The following MBD5 variants were observed in gnomAD, a reference collection of about 807,000 sequenced individuals.
MBD5 encodes the protein methyl-CpG-binding domain protein 5.
MBD5 carries 13 observed loss-of-function variants against 117.3 expected under a neutral mutation model. The observed-to-expected ratio is 0.11, with a 90% CI of 0.07 to 0.18. MBD5 has a LOEUF of 0.18. MBD5 is among the 10% of genes least tolerant of loss of function. The pLI is 1.00. For synonymous variants in MBD5, 727 were observed against 766.4 expected (o/e 0.95, Z 0.85); for missense variants, 1,879 against 2,093.8 (o/e 0.90, Z 2.00).
intron 12 of MBD5, among the ~76,000 whole-genome samples, chr2:148,504,527 T>C (rs534935936): frequency 2.0e-5 from 3 of 152,264 alleles, no homozygotes; most frequent in African/African-American, 7.2e-5. Context: ...AAGACAAATT[T>C]AGCAAAAAAA....
Position 148,280,068 on chromosome 2 carries a change from TTTTTCTC to T in MBD5, c.-680+46674_-680+46680del, listed in dbSNP as rs377717508. On this transcript the variant is annotated intron_variant, in intron 3 of 13. Transcript: ENST00000642680. ...CTCTTGGTTGCTTCTGCTTTTTTCT[TTTTTCTC>T]GTTTCCTGGTTTGGAAGCTATAGAT... Among the ~76,000 whole-genome samples, 26 of 151,668 alleles carry T rather than the reference TTTTTCTC, an allele frequency of 1.7e-4. 1 individual carries two copies. The East Asian group carries it at 4.8e-3, about 28-fold the overall frequency.
intron 1 of MBD5, among the ~76,000 whole-genome samples, chr2:148,084,119 T>C (rs1306439902): frequency 6.6e-6 from 1 of 152,222 alleles, no homozygotes; most frequent in African/African-American, 2.4e-5. Flanking sequence ...TTTCACATGG[T>C]AGAACACAGA....
chr2:148,294,501 G>GTTTTTTTTTTTTTGTTTTTTGTTTTTTT (rs761709621), intron 3 of MBD5, among the ~76,000 whole-genome samples: 1 of 113,216 alleles, frequency 8.8e-6, no homozygotes, highest in African/African-American at 3.7e-5. Flanking sequence ...TGGGATTACA[G>GTTTTTTTTTTTTTGTTTTTTGTTTTTTT]TTTTTTTTTT....
Position 148,394,409 on chromosome 2 carries a change from A to G in MBD5, c.-557+52073A>G, listed in dbSNP as rs1295899575. Among the ~76,000 whole-genome samples, 5 of 151,684 alleles carry G rather than the reference A, an allele frequency of 3.3e-5. No individual in the cohort carries two copies. The South Asian group carries it at 6.2e-4, about 19-fold the overall frequency. On this transcript the variant is annotated intron_variant, in intron 4 of 13. Transcript: ENST00000642680. The stretch of plus-strand genomic sequence containing the variant: ...TATGTTATAACAATTTTGATATCCT[A>G]TATTTTTCTGGGAATTCATATATTT...
intron 4 of MBD5, among the ~76,000 whole-genome samples, chr2:148,390,555 G>T (rs1284485502): frequency 1.3e-5 from 1 of 77,450 alleles, no homozygotes; most frequent in African/African-American, 6.2e-5. Context: ...ATATATACGT[G>T]TATGTGTGTA....
At chr2:148,245,888 T>C (rs929769870) in intron 3 of MBD5, among the ~76,000 whole-genome samples, 1 of 152,202 alleles carries the variant, frequency 6.6e-6, no homozygotes. Flanking sequence ...ATTTAATTTC[T>C]TACTAATAGG....
intron 2 of MBD5, among the ~76,000 whole-genome samples, chr2:148,199,664 G>A (rs1176391375): frequency 6.6e-6 from 1 of 151,938 alleles, no homozygotes; most frequent in Non-Finnish European, 1.5e-5. Flanking sequence ...AGTGGCTGAG[G>A]TGGGAGGATC....
chr2:148,197,806 G>GT lies in MBD5; in HGVS notation c.-831+19024dup, dbSNP rs67499597. On this transcript the variant is annotated intron_variant, in intron 2 of 13. Coordinates refer to ENST00000642680, the MANE Select transcript of MBD5 (RefSeq NM_001378120.1). ...CATAGCATCTGAGGTTTTTTTTTTT[G>GT]TTTTTTTTTTTGTTTTTTTTTTTTG... Among the ~76,000 whole-genome samples, 363 of 92,402 alleles carry GT rather than the reference G, an allele frequency of 3.9e-3. 1 individual carries two copies. The highest frequency in any genetic ancestry group is 7.7e-3 in the African/African-American group (171 of 22,098). The allele number at this position is 92,402 out of a possible 152,430, so 60.6% of individuals were successfully genotyped here. A position where few individuals can be genotyped will look rare whatever the true frequency, so the allele number is the denominator to read the frequency against.
At chr2:148,067,915 A>G (rs1034567547) in intron 1 of MBD5, among the ~76,000 whole-genome samples, 1 of 152,206 alleles carries the variant, frequency 6.6e-6, no homozygotes, top group African/African-American at 2.4e-5. Context: ...TAAGGGTAGT[A>G]TGTCAACTGT....
chr2:148,356,374 C>T (rs1345966702), intron 4 of MBD5, among the ~76,000 whole-genome samples: 3 of 151,954 alleles, frequency 2.0e-5, no homozygotes, highest in East Asian at 1.9e-4. Context: ...TCATAGCTCA[C>T]GTTGTTAATA....
intron 3 of MBD5, among the ~76,000 whole-genome samples, chr2:148,281,606 G>T (rs1254464849): frequency 1.3e-5 from 2 of 151,648 alleles, no homozygotes; most frequent in Non-Finnish European, 2.9e-5. Flanking sequence ...AATTGTGTTT[G>T]TTGACTTTCT....
chr2:148,239,327 C>T (rs1026806951), intron 3 of MBD5, among the ~76,000 whole-genome samples: 1 of 152,056 alleles, frequency 6.6e-6, no homozygotes, highest in Non-Finnish European at 1.5e-5. Context: ...CAATAGCTAT[C>T]ATTTTGCTTG....
At chr2:148,129,885 A>G (rs1364502254) in intron 1 of MBD5, among the ~76,000 whole-genome samples, 1 of 152,170 alleles carries the variant, frequency 6.6e-6, no homozygotes, top group Non-Finnish European at 1.5e-5. Flanking sequence ...ATTTCCATCT[A>G]CACACTACTT....
intron 4 of MBD5, among the ~76,000 whole-genome samples, chr2:148,363,416 G>C (rs1308023276): frequency 1.3e-5 from 2 of 151,992 alleles, no homozygotes; most frequent in African/African-American, 4.8e-5. Flanking sequence ...TGTATTTTTT[G>C]TAGAGACGGG....
intron 1 of MBD5, among the ~76,000 whole-genome samples, chr2:148,157,537 C>A (rs1050037647): frequency 6.6e-6 from 1 of 152,178 alleles, no homozygotes; most frequent in Non-Finnish European, 1.5e-5. Context: ...GTATTCCTTA[C>A]ATAGCAGCCT....
intron 3 of MBD5, among the ~76,000 whole-genome samples, chr2:148,307,796 C>T (rs1481602451): frequency 1.3e-5 from 2 of 152,076 alleles, no homozygotes; most frequent in Admixed American, 6.6e-5. Flanking sequence ...CCCCTAGCCC[C>T]CGACCCACTG....
Position 148,021,691 on chromosome 2 carries a change from G to T in MBD5, c.-925+7G>T. ...AAAGTGGGGGGCAGGAAAGGTAAGTGTGTCTGTGGGGGCTTCATTGCCTTC... is the reference window on the plus strand; with the variant it reads ...AAAGTGGGGGGCAGGAAAGGTAAGTTTGTCTGTGGGGGCTTCATTGCCTTC... On this transcript the variant is annotated splice_region_variant and intron_variant, in intron 1 of 13. Coordinates refer to ENST00000642680, the MANE Select transcript of MBD5 (RefSeq NM_001378120.1). The T allele has an allele frequency of 2.8e-6, 1 of 363,290 alleles. No homozygotes were observed. Among genetic ancestry groups the T allele is most frequent in the Non-Finnish European group, 5.5e-6 (1 of 183,116 alleles). The allele number at this position is 363,290 out of a possible 1,614,324, so 22.5% of individuals were successfully genotyped here. A position where few individuals can be genotyped will look rare whatever the true frequency, so the allele number is the denominator to read the frequency against.
At chr2:148,403,001 CAAGTTCACT>C (rs1704968998) in intron 4 of MBD5, among the ~76,000 whole-genome samples, 1 of 151,952 alleles carries the variant, frequency 6.6e-6, no homozygotes, top group Admixed American at 6.6e-5. Context: ...GTTATATCTT[CAAGTTCACT>C]AATCTTTTCT....
intron 2 of MBD5, among the ~76,000 whole-genome samples, chr2:148,227,248 T>A (rs1699853519): frequency 6.6e-6 from 1 of 152,208 alleles, no homozygotes; most frequent in Admixed American, 6.5e-5. Context: ...TGGTTTTGGG[T>A]CTAACATGTA....
Sources: allele counts gnomAD v4.1 joint callset (sites outside exome capture counted in the v4.1 genomes callset), GRCh38; gene constraint gnomAD v4.1.1; transcripts MANE v1.5; gene names NCBI Gene and HGNC (gene_info 2026-07-23, HGNC 2026-07-21).